Variants in VTI1A observed in about 807,000 individuals in gnomAD.
VTI1A encodes vesicle transport through interaction with t-SNAREs 1A, also known as vesicle transport through interaction with t-SNAREs homolog 1A.
Under a neutral mutation model 34.9 loss-of-function variants are expected in VTI1A, and 22 were observed. That is an observed-to-expected ratio of 0.63 (90% confidence interval 0.45 to 0.90). The LOEUF (loss-of-function observed/expected upper bound fraction) is 0.90. VTI1A is among the 40% of genes least tolerant of loss of function. The pLI is 0.00. For synonymous variants in VTI1A, 87 were observed against 97.3 expected (o/e 0.89, Z 0.62); for missense variants, 268 against 275.6 (o/e 0.97, Z 0.20).
At chr10:112,464,155 C>T (rs561833379) in intron 2 of VTI1A, among the ~76,000 whole-genome samples, 18 of 152,264 alleles carry the variant, frequency 1.2e-4, no homozygotes, top group Admixed American at 3.3e-4. Context: ...CCCACCACCA[C>T]GCCCAGCTAA....
chr10:112,512,324 A>G (rs1209038929), intron 3 of VTI1A, among the ~76,000 whole-genome samples: 2 of 152,090 alleles, frequency 1.3e-5, no homozygotes, highest in Admixed American at 1.3e-4. Context: ...ATTTTTTCAT[A>G]TACCTGTTGG....
the VTI1A span, among the ~76,000 whole-genome samples, chr10:112,842,037 CT>C: frequency 1.9e-3 from 77 of 39,856 alleles, no homozygotes; most frequent in African/African-American, 2.2e-3. Flanking sequence ...GAGTTCTTTT[CT>C]TTTTTTTTTT....
intron 7 of VTI1A, among the ~76,000 whole-genome samples, chr10:112,700,190 T>C (rs1289166697): frequency 7.0e-6 from 1 of 143,294 alleles, no homozygotes; most frequent in Non-Finnish European, 1.5e-5. Flanking sequence ...ATCTTACAGA[T>C]AGACATGCTA....
intron 5 of VTI1A, among the ~76,000 whole-genome samples, chr10:112,600,117 C>G (rs1844826028): frequency 6.6e-6 from 1 of 152,130 alleles, no homozygotes; most frequent in Non-Finnish European, 1.5e-5. Flanking sequence ...TAGTTATTTA[C>G]CACCACATCA....
chr10:112,693,224 T>A (rs1370448640), intron 7 of VTI1A, among the ~76,000 whole-genome samples: 1 of 152,230 alleles, frequency 6.6e-6, no homozygotes, highest in Non-Finnish European at 1.5e-5. Context: ...AGAAGTTAAA[T>A]GATTTAAATT....
rs140487229 is a variant in VTI1A at position 112,765,507 on chromosome 10, G to C, written c.561-49783G>C. On this transcript the variant is annotated intron_variant, in intron 7 of 7. Coordinates refer to ENST00000393077, the MANE Select transcript of VTI1A (RefSeq NM_145206.4). ...TTACAGGCATGAGCCACCTCACCTG[G>C]TGTGTTTTTCCTTTTAAGCATTACA... Among the ~76,000 whole-genome samples, 30 of 152,298 alleles carry C rather than the reference G, an allele frequency of 2.0e-4. No homozygotes were observed. In the East Asian group the frequency reaches 5.0e-3, roughly 25 times the overall value.
At chr10:112,688,521 C>CT (rs59853999) in intron 7 of VTI1A, among the ~76,000 whole-genome samples, 24,678 of 116,414 alleles carry the variant, frequency 0.21, 2,987 homozygotes, top group East Asian at 0.39. Context: ...CAATTTTTTT[C>CT]TTTTTTTTTT....
chr10:112,745,057 G>GA (rs1212184230), intron 7 of VTI1A, among the ~76,000 whole-genome samples: 19 of 152,110 alleles, frequency 1.2e-4, no homozygotes, highest in Non-Finnish European at 2.1e-4. Flanking sequence ...TAAAATGCAG[G>GA]AAAAAAGTAG....
chr10:112,632,372 CAG>C (rs1174102070), intron 5 of VTI1A, among the ~76,000 whole-genome samples: 2 of 152,162 alleles, frequency 1.3e-5, no homozygotes, highest in Non-Finnish European at 2.9e-5. Context: ...TGTGTAAAAT[CAG>C]GGTTTATTTT....
chr10:112,497,886 C>T (rs1008318131), intron 3 of VTI1A, among the ~76,000 whole-genome samples: 1 of 152,152 alleles, frequency 6.6e-6, no homozygotes, highest in Admixed American at 6.5e-5. Context: ...AAACTAGTGC[C>T]AGTTTTACTT....
the VTI1A span, among the ~76,000 whole-genome samples, chr10:112,848,075 A>G: frequency 6.6e-6 from 1 of 152,250 alleles, no homozygotes; most frequent in African/African-American, 2.4e-5. Context: ...TTACACAACA[A>G]TAGCTAATTG....
chr10:112,607,055 C>T (rs1845112756), intron 5 of VTI1A, among the ~76,000 whole-genome samples: 1 of 151,880 alleles, frequency 6.6e-6, no homozygotes, highest in Non-Finnish European at 1.5e-5. Flanking sequence ...GGGAGGCTGA[C>T]GTGGGTGGAT....
chr10:112,617,133 A>G (rs1385073966), intron 5 of VTI1A, among the ~76,000 whole-genome samples: 1 of 152,206 alleles, frequency 6.6e-6, no homozygotes, highest in Admixed American at 6.5e-5. Context: ...GAGAAATAAA[A>G]GCAGTCAGAG....
At chr10:112,507,174 G>T (rs1457031079) in intron 3 of VTI1A, among the ~76,000 whole-genome samples, 1 of 152,078 alleles carries the variant, frequency 6.6e-6, no homozygotes, top group Non-Finnish European at 1.5e-5. Flanking sequence ...TAATTCAGAT[G>T]TCTTTAGGCT....
chr10:112,614,107 T>C (rs1372207233), intron 5 of VTI1A, among the ~76,000 whole-genome samples: 1 of 152,188 alleles, frequency 6.6e-6, no homozygotes, highest in Non-Finnish European at 1.5e-5. Context: ...AAGTTGATTG[T>C]ACTCATGGAA....
chr10:112,852,754 G>A, the VTI1A span, among the ~76,000 whole-genome samples: 1 of 152,128 alleles, frequency 6.6e-6, no homozygotes, highest in Non-Finnish European at 1.5e-5. Flanking sequence ...GGATAGGACT[G>A]TCTTTCTTGG....
chr10:112,717,459 C>A (rs1326877029), intron 7 of VTI1A, among the ~76,000 whole-genome samples: 1 of 152,108 alleles, frequency 6.6e-6, no homozygotes, highest in African/African-American at 2.4e-5. Flanking sequence ...CTTCTTCAGA[C>A]AGAGATCAGA....
At chr10:112,659,501 C>G (rs151111146) in intron 5 of VTI1A, among the ~76,000 whole-genome samples, 526 of 152,258 alleles carry the variant, frequency 3.5e-3, no homozygotes, top group African/African-American at 0.011. Flanking sequence ...TCTGAGGGCT[C>G]TGGGAATAGT....
intron 7 of VTI1A, among the ~76,000 whole-genome samples, chr10:112,728,260 TG>T (rs1316776202): frequency 6.6e-6 from 1 of 152,124 alleles, no homozygotes; most frequent in Non-Finnish European, 1.5e-5. Context: ...ATTGAGAATA[TG>T]TTGCACAGCT....
Sources: allele counts gnomAD v4.1 joint callset (sites outside exome capture counted in the v4.1 genomes callset), GRCh38; gene constraint gnomAD v4.1.1; transcripts MANE v1.5; gene names NCBI Gene and HGNC (gene_info 2026-07-23, HGNC 2026-07-21).